The following MAP3K19 variants were observed in gnomAD, a reference collection of about 807,000 sequenced individuals.
MAP3K19 encodes mitogen-activated protein kinase kinase kinase 19.
MAP3K19 carries 91 observed loss-of-function variants against 114.4 expected under a neutral mutation model. The observed-to-expected ratio is 0.80, with a 90% CI of 0.67 to 0.95. MAP3K19 has a LOEUF of 0.95. MAP3K19 is among the 40% of genes least tolerant of loss of function. The pLI, the probability that MAP3K19 is intolerant of heterozygous loss-of-function variation, is 0.00. For missense variants in MAP3K19, 1,471 were observed against 1,573.2 expected (o/e 0.94, Z 1.10); for synonymous variants, 518 against 530.5 (o/e 0.98, Z 0.32).
intron 4 of MAP3K19, chr2:135,023,400 C>T (rs535413326): frequency 1.9e-6 from 1 of 528,178 alleles, no homozygotes; most frequent in East Asian, 5.5e-5. Context: ...CCCTCAATGA[C>T]CTCACCCACC....
chr2:134,969,890 T>C (rs1388222533), intron 12 of MAP3K19, among the ~76,000 whole-genome samples: 1 of 152,248 alleles, frequency 6.6e-6, no homozygotes, highest in Non-Finnish European at 1.5e-5. Context: ...GTATATGTTC[T>C]TGGTCCCTTT....
intron 12 of MAP3K19, among the ~76,000 whole-genome samples, chr2:134,968,811 T>G (rs1485325417): frequency 1.3e-5 from 2 of 148,512 alleles, no homozygotes; most frequent in Non-Finnish European, 3.0e-5. Context: ...GAAGAGGCGC[T>G]CCTCACTTCC....
At chr2:135,043,499 G>T (rs1688684939) in intron 1 of MAP3K19, among the ~76,000 whole-genome samples, 1 of 151,972 alleles carries the variant, frequency 6.6e-6, no homozygotes. Flanking sequence ...TGCAAAATTG[G>T]GCAGAAAGTA....
chr2:135,031,756 G>A (rs1688385788), intron 2 of MAP3K19, among the ~76,000 whole-genome samples: 1 of 152,216 alleles, frequency 6.6e-6, no homozygotes, highest in African/African-American at 2.4e-5. Context: ...TTTAGTGGCT[G>A]AGGGCATAAT....
At chr2:135,017,400 C>G (rs553676124) in intron 5 of MAP3K19, among the ~76,000 whole-genome samples, 21 of 152,212 alleles carry the variant, frequency 1.4e-4, no homozygotes, top group African/African-American at 4.8e-4. Context: ...GATGCAATCT[C>G]TCTGTCAATA....
intron 10 of MAP3K19, among the ~76,000 whole-genome samples, chr2:134,984,449 A>T (rs370027341): frequency 4.7e-4 from 71 of 152,266 alleles, no homozygotes; most frequent in African/African-American, 1.7e-3. Flanking sequence ...CAATGGCCAG[A>T]TCATATATAA....
chr2:134,984,819 G>A (rs1684979180), intron 10 of MAP3K19, among the ~76,000 whole-genome samples: 1 of 152,192 alleles, frequency 6.6e-6, no homozygotes, highest in South Asian at 2.1e-4. Context: ...AGGCGTGGTG[G>A]TGAGTGCCTG....
intron 12 of MAP3K19, among the ~76,000 whole-genome samples, chr2:134,978,769 C>T (rs1684418639): frequency 6.6e-6 from 1 of 152,236 alleles, no homozygotes; most frequent in Non-Finnish European, 1.5e-5. Context: ...AGCATCCAAG[C>T]TCTGGATTTC....
chr2:135,015,308 C>A (rs1330639402), intron 5 of MAP3K19, among the ~76,000 whole-genome samples: 1 of 152,128 alleles, frequency 6.6e-6, no homozygotes, highest in Non-Finnish European at 1.5e-5. Context: ...AGCTGAGCAT[C>A]TTTTAATATA....
chr2:135,037,973 C>T (rs986180121), intron 2 of MAP3K19, among the ~76,000 whole-genome samples: 19 of 152,068 alleles, frequency 1.2e-4, no homozygotes, highest in South Asian at 4.1e-4. Flanking sequence ...AATTCTGGCA[C>T]GCTAACTCAT....
chr2:134,993,837 C>T (rs1278923856), intron 8 of MAP3K19, among the ~76,000 whole-genome samples: 1 of 152,052 alleles, frequency 6.6e-6, no homozygotes, highest in Non-Finnish European at 1.5e-5. Flanking sequence ...ATAGCGAGAC[C>T]CCATCTCTAC....
rs547440929 is a variant in MAP3K19 at position 135,010,804 on chromosome 2, A to AT, written c.139-5274dup. Reference sequence around the variant, plus strand: ...GCCCCCATAACCAGCTAATTTTTTAATTTTTTTGTAGAGACAAAGTCTTAT... The same window carrying AT: ...GCCCCCATAACCAGCTAATTTTTTAATTTTTTTTGTAGAGACAAAGTCTTAT... On this transcript the variant is annotated intron_variant, in intron 5 of 12. Coordinates refer to ENST00000392915, the MANE Select transcript of MAP3K19 (RefSeq NM_025052.5). Among the ~76,000 whole-genome samples, 34 of 151,940 alleles carry AT rather than the reference A, an allele frequency of 2.2e-4. No homozygotes were observed. The South Asian group carries it at 5.8e-3, about 26-fold the overall frequency.
chr2:134,980,060 C>T (rs2105190801), intron 12 of MAP3K19, among the ~76,000 whole-genome samples: 1 of 152,254 alleles, frequency 6.6e-6, no homozygotes, highest in African/African-American at 2.4e-5. Flanking sequence ...TCTTGTCCTC[C>T]AATTAAAGTT....
chr2:135,046,080 A>G (rs1355997386), intron 1 of MAP3K19, among the ~76,000 whole-genome samples: 2 of 152,016 alleles, frequency 1.3e-5, no homozygotes, highest in Non-Finnish European at 1.5e-5. Context: ...GCACAGCACT[A>G]TGCCCCGCTA....
intron 12 of MAP3K19, among the ~76,000 whole-genome samples, chr2:134,969,298 A>G (rs1340606987): frequency 1.3e-5 from 2 of 152,176 alleles, no homozygotes; most frequent in African/African-American, 4.8e-5. Flanking sequence ...CCGAGATGGC[A>G]GCAGTACAGT....
At chr2:134,983,643 G>T in intron 11 of MAP3K19, 33 bp downstream of exon 11, 1 of 1,482,186 alleles carries the variant, frequency 6.7e-7, no homozygotes, top group Non-Finnish European at 9.0e-7. Context: ...GGGGGGTGGG[G>T]AGTGCTGATT....
chr2:135,008,704 C>T (rs764759003), intron 5 of MAP3K19, among the ~76,000 whole-genome samples: 2 of 152,074 alleles, frequency 1.3e-5, no homozygotes, highest in African/African-American at 4.8e-5. Context: ...TATCTTCTCC[C>T]TTATCATCAT....
At chr2:134,992,533 G>GC (rs1685656893) in intron 8 of MAP3K19, among the ~76,000 whole-genome samples, 1 of 152,340 alleles carries the variant, frequency 6.6e-6, no homozygotes, top group South Asian at 2.1e-4. Context: ...AATGGATGAT[G>GC]TGGGACAGGA....
chr2:134,967,512 T>C (rs568054716), intron 12 of MAP3K19, among the ~76,000 whole-genome samples: 12 of 152,330 alleles, frequency 7.9e-5, no homozygotes, highest in Admixed American at 6.5e-4. Flanking sequence ...TGGTGGGAGG[T>C]GAGACATGTT....
Sources: allele counts gnomAD v4.1 joint callset (sites outside exome capture counted in the v4.1 genomes callset), GRCh38; gene constraint gnomAD v4.1.1; transcripts MANE v1.5; gene names NCBI Gene and HGNC (gene_info 2026-07-23, HGNC 2026-07-21).